CWC22: variants seen among roughly 807,000 people sequenced by gnomAD.
CWC22 encodes pre-mRNA-splicing factor CWC22 homolog.
Under a neutral mutation model 117.2 loss-of-function variants are expected in CWC22, and 53 were observed. That is an observed-to-expected ratio of 0.45 (90% CI 0.36 to 0.57). CWC22 has a LOEUF of 0.57. CWC22 is among the 20% of genes least tolerant of loss of function. The probability of loss-of-function intolerance (pLI) is 0.00; values close to 1 mark genes in which losing one functional copy is unlikely to be tolerated. For missense variants in CWC22, 980 were observed against 1,068.8 expected (o/e 0.92, Z 1.16); for synonymous variants, 360 against 355.6 (o/e 1.01, Z -0.14).
At position 179,965,973 on chromosome 2, in the gene CWC22, T is replaced by A. The variant is rs1383688322; in HGVS notation, c.1220A>T (p.Asp407Val). ...TGTGTTCGAGTCAGTATCTCCCTCATCAAGAATTTCTGTAAAGTACAAAGT... is the reference window on the plus strand; with the variant it reads ...TGTGTTCGAGTCAGTATCTCCCTCAACAAGAATTTCTGTAAAGTACAAAGT... ...KYKAIKKEIL[D>V]EGDTDSNTDQ... The change falls in exon 12 of 20, where the codon GAT becomes GTT. Residue 407 changes from aspartate to valine, a missense_variant. This residue lies in a region of CWC22 where 559 missense variants were observed against 602.3 expected (regional missense o/e 0.93). Coordinates refer to ENST00000410053, the MANE Select transcript of CWC22 (RefSeq NM_020943.3). 2 of 1,610,086 alleles carry A rather than the reference T, an allele frequency of 1.2e-6. No homozygotes were observed. Among genetic ancestry groups the A allele is most frequent in the Admixed American group, 1.7e-5 (1 of 59,720 alleles).
At chr2:179,968,027 G>C (rs35037768) in intron 11 of CWC22, among the ~76,000 whole-genome samples, 22,169 of 152,096 alleles carry the variant, frequency 0.15, 1,998 homozygotes, top group Admixed American at 0.29. Flanking sequence ...CCGACACTTA[G>C]ATTTTTTTGG....
At chr2:180,001,503 T>C (rs1687850341) in intron 1 of CWC22, among the ~76,000 whole-genome samples, 1 of 152,110 alleles carries the variant, frequency 6.6e-6, no homozygotes, top group African/African-American at 2.4e-5. Flanking sequence ...TAATTTTGTG[T>C]ATTTTTAGTA....
intron 2 of CWC22, among the ~76,000 whole-genome samples, chr2:179,992,999 G>A (rs1687607081): frequency 1.1e-5 from 1 of 91,770 alleles, no homozygotes; most frequent in Non-Finnish European, 2.6e-5. Context: ...ATGCATCCAT[G>A]TGTATACACA....
chr2:179,998,488 G>C (rs1292445043), intron 1 of CWC22, among the ~76,000 whole-genome samples: 1 of 152,006 alleles, frequency 6.6e-6, no homozygotes, highest in African/African-American at 2.4e-5. Flanking sequence ...CTAGTAAATG[G>C]CAGAAGCTAA....
At chr2:179,954,379 C>A (rs185108109) in intron 15 of CWC22, 22 bp from the exon 16 acceptor site, 4 of 1,471,268 alleles carry the variant, frequency 2.7e-6, no homozygotes, top group South Asian at 1.3e-5. Flanking sequence ...AAAATCAGTA[C>A]CATTAAAAAT....
At chr2:179,991,161 G>A (rs1356142487) in intron 2 of CWC22, among the ~76,000 whole-genome samples, 1 of 152,140 alleles carries the variant, frequency 6.6e-6, no homozygotes, top group Non-Finnish European at 1.5e-5. Context: ...AATGTAGGGA[G>A]AGCAGTACGA....
chr2:179,969,986 C>A (rs1286535112), intron 11 of CWC22, among the ~76,000 whole-genome samples: 1 of 152,146 alleles, frequency 6.6e-6, no homozygotes, highest in African/African-American at 2.4e-5. Context: ...ATAAATTACA[C>A]ATCAAAACCT....
chr2:179,961,231 G>A (rs192083255), intron 13 of CWC22, among the ~76,000 whole-genome samples: 2 of 152,084 alleles, frequency 1.3e-5, no homozygotes, highest in East Asian at 3.9e-4. Context: ...TTTGTTAATT[G>A]TTTATTGATT....
intron 12 of CWC22, among the ~76,000 whole-genome samples, chr2:179,965,480 A>G (rs1686866065): frequency 6.6e-6 from 1 of 152,204 alleles, no homozygotes; most frequent in Non-Finnish European, 1.5e-5. Flanking sequence ...AATGAACAGC[A>G]AATATGCAGT....
At chr2:179,967,124 G>C (rs1465585720) in intron 11 of CWC22, among the ~76,000 whole-genome samples, 2 of 152,168 alleles carry the variant, frequency 1.3e-5, no homozygotes, top group Non-Finnish European at 2.9e-5. Context: ...AGGCATTCCT[G>C]CTGTTTTCCC....
chr2:179,987,203 T>A (rs886462286), intron 3 of CWC22, among the ~76,000 whole-genome samples: 1 of 152,192 alleles, frequency 6.6e-6, no homozygotes, highest in South Asian at 2.1e-4. Flanking sequence ...CTGGCCTCCA[T>A]AAGGATCAGT....
In CWC22 at chr2:179,986,705, T is replaced by C. The variant is rs1461952597; in HGVS notation, c.196A>G (p.Met66Val). Residue 66 changes from methionine (M) to valine (V), a missense_variant, in exon 4 of 20, where the codon ATG becomes GTG. Met to Val is a conservative substitution (Grantham distance 21, BLOSUM62 1). This residue lies in a region of CWC22 where 559 missense variants were observed against 602.3 expected (regional missense o/e 0.93). Transcript: ENST00000410053. Reference protein sequence around the residue: ...SRRGRSYDSSMESRNRDREKR... With the variant: ...SRRGRSYDSSVESRNRDREKR... The stretch of plus-strand genomic sequence containing the variant: ...ATTCCCAACACTAACCGTGACTCCA[T>C]GCTACTATCATAAGAACGTCCTCTT... The C allele has an allele frequency of 4.4e-6, 7 of 1,577,610 alleles. No individual in the cohort carries two copies. In the African/African-American group the frequency reaches 8.1e-5, roughly 18 times the overall value.
intron 14 of CWC22, among the ~76,000 whole-genome samples, chr2:179,957,292 AG>A (rs1028415941): frequency 6.6e-6 from 1 of 152,186 alleles, no homozygotes. Flanking sequence ...AGGGAAAAAA[AG>A]GAATCTTTTA....
chr2:179,997,311 A>G (rs987434125), intron 1 of CWC22, among the ~76,000 whole-genome samples: 1 of 152,064 alleles, frequency 6.6e-6, no homozygotes, highest in Non-Finnish European at 1.5e-5. Flanking sequence ...ACTGTTCCTT[A>G]GAGTAATGAC....
At chr2:179,957,477 T>C (rs1222928933) in intron 14 of CWC22, among the ~76,000 whole-genome samples, 1 of 152,212 alleles carries the variant, frequency 6.6e-6, no homozygotes, top group Non-Finnish European at 1.5e-5. Context: ...GGCTGTGGTG[T>C]GAAAACAGCC....
At position 179,952,571 on chromosome 2, in the gene CWC22, C is replaced by A; in HGVS notation, c.1717G>T (p.Glu573Ter). The change falls in exon 17 of 20, where the codon GAA (glutamate) becomes TAA (stop). Residue 573 changes from glutamate (E) to a stop codon, truncating the protein, a stop_gained. Coordinates refer to ENST00000410053, the MANE Select transcript of CWC22 (RefSeq NM_020943.3). LOFTEE classifies it high-confidence loss of function. ...SVLECIKLSE[E>*]TTTSSSRIFV... ...ATTCTACTGGATGATGTAGTGGTTT[C>A]TTCACTCAGTTTTATACATTCAAGA... 6.7e-7 allele frequency: 1 copy of A among 1,500,424 alleles called. No individual in the cohort carries two copies. The highest frequency in any genetic ancestry group is 9.0e-7 in the Non-Finnish European group (1 of 1,110,288). The allele number at this position is 1,500,424 out of a possible 1,614,324, so 92.9% of individuals were successfully genotyped here.
chr2:179,970,321 A>G (rs1267179667), intron 11 of CWC22, among the ~76,000 whole-genome samples, 180 bp downstream of exon 11: 1 of 152,112 alleles, frequency 6.6e-6, no homozygotes, highest in African/African-American at 2.4e-5. Context: ...AGAATGAAGT[A>G]AAAAACCCTG....
At chr2:179,968,258 T>C (rs1269622353) in intron 11 of CWC22, among the ~76,000 whole-genome samples, 3 of 152,228 alleles carry the variant, frequency 2.0e-5, no homozygotes, top group Non-Finnish European at 4.4e-5. Context: ...AGTTCATTGA[T>C]ATTGTTTCAG....
intron 1 of CWC22, among the ~76,000 whole-genome samples, chr2:180,005,553 G>A (rs1366504943): frequency 4.6e-5 from 7 of 152,178 alleles, no homozygotes; most frequent in Admixed American, 4.6e-4. Context: ...TCCAGCCTGG[G>A]CGACAGAGTA....
Sources: gnomAD v4.1 joint callset for allele counts (sites outside exome capture counted in the v4.1 genomes callset) on GRCh38, gnomAD v4.1.1 for gene constraint, gnomAD v4.1.1 regional missense constraint, MANE v1.5 for transcripts, NCBI Gene and HGNC (gene_info 2026-07-23, HGNC 2026-07-21) for gene names.